AGBL4: variants seen among roughly 807,000 people sequenced by gnomAD.
The protein encoded by AGBL4 is AGBL carboxypeptidase 4, also known as cytosolic carboxypeptidase 6.
In AGBL4, 58 loss-of-function variants were observed where a neutral mutation model predicts 66.4. The observed-to-expected ratio is 0.87, with a 90% CI of 0.71 to 1.09. The LOEUF (loss-of-function observed/expected upper bound fraction) is 1.09. Ranked by LOEUF, AGBL4 falls within the 50% of genes least tolerant of loss-of-function variation. AGBL4 has a pLI of 0.00. For missense variants in AGBL4, 579 were observed against 631.0 expected (o/e 0.92, Z 0.88); for synonymous variants, 234 against 222.9 (o/e 1.05, Z -0.44).
At chr1:49,767,808 A>G (rs896156549) in intron 2 of AGBL4, among the ~76,000 whole-genome samples, 1 of 152,080 alleles carries the variant, frequency 6.6e-6, no homozygotes, top group African/African-American at 2.4e-5. Flanking sequence ...CTCAGATACT[A>G]TTATAAACAT....
In AGBL4 at chr1:49,296,508, T is replaced by G. The variant is rs164821; in HGVS notation, c.283-50644A>C. The stretch of plus-strand genomic sequence containing the variant: ...AGTTAATTAACCATTACTTTCTCTG[T>G]GACTTCATTCCCATTGTTAGGAGTA... On this transcript the variant is annotated intron_variant, in intron 3 of 13. Transcript: ENST00000371839. Among the ~76,000 whole-genome samples, 468 of 152,358 alleles carry G rather than the reference T, an allele frequency of 3.1e-3. 2 individuals carry two copies. The highest frequency in any genetic ancestry group is 0.011 in the African/African-American group (444 of 41,584).
intron 2 of AGBL4, among the ~76,000 whole-genome samples, chr1:49,829,704 G>A (rs1320970165): frequency 6.6e-6 from 1 of 151,994 alleles, no homozygotes; most frequent in Non-Finnish European, 1.5e-5. Context: ...TGCCACGGTG[G>A]TTTGATGTAC....
intron 1 of AGBL4, among the ~76,000 whole-genome samples, chr1:49,967,726 A>G (rs1657685868): frequency 6.6e-6 from 1 of 152,168 alleles, no homozygotes; most frequent in Non-Finnish European, 1.5e-5. Context: ...CTATCCTAAC[A>G]AGCTTAAGGC....
At chr1:49,336,988 G>A (rs967414807) in intron 3 of AGBL4, among the ~76,000 whole-genome samples, 17 of 152,134 alleles carry the variant, frequency 1.1e-4, no homozygotes, top group Admixed American at 9.2e-4. Context: ...TCAATCTTGA[G>A]ATTAAAAATA....
At chr1:49,331,579 C>T (rs1645334878) in intron 3 of AGBL4, among the ~76,000 whole-genome samples, 1 of 152,130 alleles carries the variant, frequency 6.6e-6, no homozygotes, top group South Asian at 2.1e-4. Flanking sequence ...TGGTCCATTC[C>T]TCTTTACTGG....
At chr1:48,549,948 G>A (rs1447406067) in intron 11 of AGBL4, among the ~76,000 whole-genome samples, 1 of 152,152 alleles carries the variant, frequency 6.6e-6, no homozygotes, top group Non-Finnish European at 1.5e-5. Context: ...CAGTGAGAGA[G>A]ACTGAGAAGG....
chr1:48,944,991 C>T (rs1656375850), intron 5 of AGBL4, among the ~76,000 whole-genome samples: 1 of 152,168 alleles, frequency 6.6e-6, no homozygotes, highest in Non-Finnish European at 1.5e-5. Context: ...TTGGTGACCT[C>T]AGATGGTGAC....
chr1:49,223,904 T>C (rs1649697846), intron 4 of AGBL4, among the ~76,000 whole-genome samples: 2 of 152,344 alleles, frequency 1.3e-5, no homozygotes, highest in Non-Finnish European at 2.9e-5. Flanking sequence ...ATGATGACAA[T>C]TTCAGAAAGT....
chr1:49,930,542 ACAAAT>A (rs1389955475), intron 1 of AGBL4, among the ~76,000 whole-genome samples: 2 of 152,162 alleles, frequency 1.3e-5, no homozygotes, highest in African/African-American at 4.8e-5. Context: ...TAAACTTTTC[ACAAAT>A]CAAATCCCAC....
At chr1:48,709,655 G>T (rs61454152) in intron 6 of AGBL4, among the ~76,000 whole-genome samples, 2,684 of 150,858 alleles carry the variant, frequency 0.018, 77 homozygotes, top group African/African-American at 0.061. Context: ...AGGCTGGAGT[G>T]CAGTGGCATG....
At position 48,982,604 on chromosome 1, in the gene AGBL4, T is replaced by C. The variant is rs369017771; in HGVS notation, c.594+62980A>G. ...ATTTTCTTAATCCAGTCTATCATTG[T>C]TGGACATTTGGGTTGGTTCCAAGTC... On this transcript the variant is annotated intron_variant, in intron 5 of 13. Transcript: ENST00000371839. 5.2e-4 allele frequency among the ~76,000 whole-genome samples: 79 copies of C among 152,300 alleles called. No homozygotes were observed. In the East Asian group the frequency reaches 0.014, roughly 26 times the overall value.
At chr1:49,371,821 G>C (rs1644351925) in intron 3 of AGBL4, among the ~76,000 whole-genome samples, 1 of 4,020 alleles carries the variant, frequency 2.5e-4, no homozygotes, top group Non-Finnish European at 6.1e-4. Context: ...CAAACTCTGT[G>C]TGTGTGTGTG....
At chr1:49,536,545 G>GA (rs1166136963) in intron 3 of AGBL4, among the ~76,000 whole-genome samples, 1 of 151,922 alleles carries the variant, frequency 6.6e-6, no homozygotes, top group African/African-American at 2.4e-5. Context: ...CACAGAATTA[G>GA]AAAAAACAAC....
chr1:49,778,156 T>C (rs970158959), intron 2 of AGBL4, among the ~76,000 whole-genome samples: 5 of 152,172 alleles, frequency 3.3e-5, no homozygotes, highest in Non-Finnish European at 7.3e-5. Flanking sequence ...GAAGTTCTAC[T>C]CAAGGCAGAG....
chr1:49,977,976 T>G (rs911132171), intron 1 of AGBL4, among the ~76,000 whole-genome samples: 2 of 152,222 alleles, frequency 1.3e-5, no homozygotes, highest in African/African-American at 4.8e-5. Flanking sequence ...TACATATCCT[T>G]AAGCAACTTT....
intron 1 of AGBL4, among the ~76,000 whole-genome samples, chr1:49,897,259 T>G (rs775472264): frequency 2.6e-5 from 4 of 152,066 alleles, no homozygotes; most frequent in Non-Finnish European, 5.9e-5. Flanking sequence ...TTCAGTAAAG[T>G]TGCAGAATAC....
intron 3 of AGBL4, among the ~76,000 whole-genome samples, chr1:49,559,195 C>T (rs1238329702): frequency 6.6e-6 from 1 of 152,124 alleles, no homozygotes; most frequent in African/African-American, 2.4e-5. Flanking sequence ...TTGTGTCATG[C>T]CACCTCTAAT....
At chr1:49,821,202 C>A (rs1272850800) in intron 2 of AGBL4, among the ~76,000 whole-genome samples, 1 of 152,104 alleles carries the variant, frequency 6.6e-6, no homozygotes, top group African/African-American at 2.4e-5. Flanking sequence ...TTCATTCATT[C>A]ATTTAATAAA....
intron 2 of AGBL4, among the ~76,000 whole-genome samples, chr1:49,722,853 A>T (rs1378073989): frequency 6.6e-6 from 1 of 152,066 alleles, no homozygotes; most frequent in African/African-American, 2.4e-5. Flanking sequence ...GAAAGAAAAA[A>T]TTTTTTATTT....
Sources: gnomAD v4.1 joint callset for allele counts (sites outside exome capture counted in the v4.1 genomes callset) on GRCh38, gnomAD v4.1.1 for gene constraint, MANE v1.5 for transcripts, NCBI Gene and HGNC (gene_info 2026-07-23, HGNC 2026-07-21) for gene names.